NFKB1: variants seen among roughly 807,000 people sequenced by gnomAD.
The protein encoded by NFKB1 is nuclear factor kappa B subunit 1, also known as nuclear factor NF-kappa-B p105 subunit.
A neutral mutation model predicts 105.1 loss-of-function variants in NFKB1; 9 were observed. The observed-to-expected ratio is 0.09, with a 90% confidence interval of 0.05 to 0.15. NFKB1 has a LOEUF of 0.15. NFKB1 is among the 10% of genes least tolerant of loss of function. The pLI is 1.00. For missense variants in NFKB1, 830 were observed against 1,203.7 expected, an observed-to-expected ratio of 0.69 and a Z score of 4.59; for synonymous variants, 440 against 442.2, an observed-to-expected ratio of 1.00 and a Z score of 0.06.
At position 102,612,242 on chromosome 4, in the gene NFKB1, A is replaced by G. The variant is rs1289189033; in HGVS notation, c.2419+132A>G. ...CAGAACCAAAAGATGCTGGAGGTAG[A>G]TAAGGAGAATATCCAGTTTTAATCT... is the stretch of plus-strand genomic sequence containing the variant. On this transcript the variant is annotated intron_variant, in intron 21 of 23. Transcript: ENST00000226574. The G allele has an allele frequency of 5.2e-6, 5 of 960,052 alleles. No homozygotes were observed. In the African/African-American group the frequency reaches 6.6e-5, roughly 13 times the overall value. 59.5% of individuals were successfully genotyped at this position (960,052 alleles called of 1,614,324 possible). A position where few individuals can be genotyped will look rare whatever the true frequency, so the allele number is the denominator to read the frequency against.
At chr4:102,560,243 C>T (rs1372495488) in intron 5 of NFKB1, among the ~76,000 whole-genome samples, 2 of 152,162 alleles carry the variant, frequency 1.3e-5, no homozygotes, top group African/African-American at 2.4e-5. Flanking sequence ...TAGTGTGTTA[C>T]TTCTTTCTCG....
In NFKB1 at chr4:102,616,716, C is replaced by G; in HGVS notation, c.*122C>G. Reference sequence around the variant, plus strand: ...AGAGCCGGCCCGCCTGAATCATTCTCGATTTAACTCGAGACCTTTTCAACT... The same window carrying G: ...AGAGCCGGCCCGCCTGAATCATTCTGGATTTAACTCGAGACCTTTTCAACT... On this transcript the variant is annotated 3_prime_UTR_variant, in exon 24 of 24. Transcript: ENST00000226574. 1 of 975,420 alleles carries G rather than the reference C, an allele frequency of 1.0e-6. No individual in the cohort carries two copies. The highest frequency in any genetic ancestry group is 1.5e-6 in the Non-Finnish European group (1 of 677,058). The allele number at this position is 975,420 out of a possible 1,614,324, so 60.4% of individuals were successfully genotyped here.
intron 5 of NFKB1, among the ~76,000 whole-genome samples, chr4:102,564,270 G>A (rs967820163): frequency 6.6e-6 from 1 of 152,188 alleles, no homozygotes; most frequent in African/African-American, 2.4e-5. Flanking sequence ...TAAGTTCTCC[G>A]TAGAGCAAAT....
intron 1 of NFKB1, among the ~76,000 whole-genome samples, chr4:102,506,021 T>G (rs1438929979): frequency 6.6e-6 from 1 of 152,186 alleles, no homozygotes; most frequent in Non-Finnish European, 1.5e-5. Flanking sequence ...TGAAGTTTAC[T>G]AGAACAAATA....
At chr4:102,555,850 A>G (rs965954882) in intron 5 of NFKB1, among the ~76,000 whole-genome samples, 50 of 152,232 alleles carry the variant, frequency 3.3e-4, no homozygotes, top group African/African-American at 1.1e-3. Flanking sequence ...AATTTTATAT[A>G]GGAATGAGAA....
chr4:102,602,266 C>G (rs892026440), intron 16 of NFKB1, among the ~76,000 whole-genome samples: 5 of 151,646 alleles, frequency 3.3e-5, no homozygotes, highest in Non-Finnish European at 1.5e-5. Flanking sequence ...TGCGGTGGCT[C>G]ACACCTATAA....
Position 102,577,842 on chromosome 4 carries a change from A to G in NFKB1, c.571+803A>G, listed in dbSNP as rs560591323. ...ATTCCATTTTCATTGTTCCACTTATAGTAGTCTTCTCCCTGGTCTCTGTCC... is the reference window on the plus strand; with the variant it reads ...ATTCCATTTTCATTGTTCCACTTATGGTAGTCTTCTCCCTGGTCTCTGTCC... On this transcript the variant is annotated intron_variant, in intron 7 of 23. Coordinates refer to ENST00000226574, the MANE Select transcript of NFKB1 (RefSeq NM_003998.4). 1.1e-5 allele frequency: 11 copies of G among 985,484 alleles called. No individual in the cohort carries two copies. In the East Asian group the frequency reaches 3.4e-4, roughly 30 times the overall value. 61.0% of individuals were successfully genotyped at this position (985,484 alleles called of 1,614,324 possible).
At chr4:102,583,081 G>C in intron 10 of NFKB1, 124 bp downstream of exon 10, 1 of 586,280 alleles carries the variant, frequency 1.7e-6, no homozygotes. Flanking sequence ...TTGGGCTTGA[G>C]GGATCCTCCT....
At chr4:102,573,565 A>G (rs905682754) in intron 6 of NFKB1, among the ~76,000 whole-genome samples, 17 of 151,682 alleles carry the variant, frequency 1.1e-4, no homozygotes, top group African/African-American at 3.9e-4. Flanking sequence ...AGATCCTTAG[A>G]TCTCTGGGTT....
At chr4:102,591,209 G>T (rs1726139782) in intron 11 of NFKB1, among the ~76,000 whole-genome samples, 1 of 152,160 alleles carries the variant, frequency 6.6e-6, no homozygotes. Flanking sequence ...CAGTGTACAA[G>T]AAACAACCTT....
At chr4:102,576,436 T>C (rs1378501457) in intron 6 of NFKB1, among the ~76,000 whole-genome samples, 1 of 152,204 alleles carries the variant, frequency 6.6e-6, no homozygotes, top group Non-Finnish European at 1.5e-5. Flanking sequence ...TTAAGACATA[T>C]AGACACATAT....
chr4:102,573,607 C>T (rs1198580053), intron 6 of NFKB1, among the ~76,000 whole-genome samples: 7 of 152,050 alleles, frequency 4.6e-5, no homozygotes, highest in Admixed American at 3.9e-4. Context: ...AACTTTTTGG[C>T]CATTATTTTT....
chr4:102,558,513 T>A (rs941560570), intron 5 of NFKB1, among the ~76,000 whole-genome samples: 1 of 152,196 alleles, frequency 6.6e-6, no homozygotes, highest in Non-Finnish European at 1.5e-5. Flanking sequence ...ATTTTAGTAA[T>A]TGCCTTCCAT....
At chr4:102,506,094 A>G (rs901493124) in intron 1 of NFKB1, among the ~76,000 whole-genome samples, 1 of 152,176 alleles carries the variant, frequency 6.6e-6, no homozygotes, top group Non-Finnish European at 1.5e-5. Flanking sequence ...AGAGGCATTT[A>G]TGAACTAGAA....
At chr4:102,607,069 T>C (rs1727820515) in intron 17 of NFKB1, 81 bp from the exon 18 acceptor site, 3 of 1,387,732 alleles carry the variant, frequency 2.2e-6, no homozygotes, top group Non-Finnish European at 3.1e-6. Flanking sequence ...ATTCAGTTTT[T>C]GCCATTTCCT....
intron 5 of NFKB1, among the ~76,000 whole-genome samples, chr4:102,564,580 C>T (rs1226042327): frequency 2.0e-5 from 3 of 152,216 alleles, no homozygotes; most frequent in African/African-American, 7.2e-5. Context: ...AGCTCCTTTA[C>T]CTCAGGAATT....
chr4:102,566,426 A>G (rs1386498212), intron 5 of NFKB1, among the ~76,000 whole-genome samples: 1 of 152,194 alleles, frequency 6.6e-6, no homozygotes, highest in Non-Finnish European at 1.5e-5. Flanking sequence ...CAGGTTTTCT[A>G]AGAGATGACT....
chr4:102,549,391 T>A (rs1722398105), intron 5 of NFKB1, among the ~76,000 whole-genome samples: 1 of 148,488 alleles, frequency 6.7e-6, no homozygotes, highest in Non-Finnish European at 1.5e-5. Context: ...ATATATGTAT[T>A]TATATATGTA....
chr4:102,557,764 T>C (rs979134037), intron 5 of NFKB1, among the ~76,000 whole-genome samples: 3 of 151,584 alleles, frequency 2.0e-5, no homozygotes, highest in African/African-American at 7.3e-5. Flanking sequence ...TACAAGGGGG[T>C]GTCTTGGAAT....
Sources: gnomAD v4.1 joint callset for allele counts (sites outside exome capture counted in the v4.1 genomes callset) on GRCh38, gnomAD v4.1.1 for gene constraint, MANE v1.5 for transcripts, NCBI Gene and HGNC (gene_info 2026-07-23, HGNC 2026-07-21) for gene names.